The following ADGRL3 variants were observed in gnomAD, a reference collection of about 807,000 sequenced individuals.
ADGRL3 encodes calcium-independent alpha-latrotoxin receptor 3.
Under a neutral mutation model 153.5 loss-of-function variants are expected in ADGRL3, and 62 were observed. That is an observed-to-expected ratio of 0.40 (90% CI 0.33 to 0.50). The LOEUF is 0.50. ADGRL3 is among the 20% of genes least tolerant of loss of function. The pLI is 0.47. For missense variants in ADGRL3, 1,641 were observed against 1,859.4 expected (o/e 0.88, Z 2.16); for synonymous variants, 710 against 672.5 (o/e 1.06, Z -0.86).
intron 2 of ADGRL3, among the ~76,000 whole-genome samples, chr4:61,391,474 T>C (rs190990359): frequency 4.6e-4 from 70 of 152,286 alleles, no homozygotes; most frequent in Non-Finnish European, 1.2e-4. Context: ...TTCAACATGA[T>C]GTTTGGAGGG....
chr4:62,030,577 G>A (rs1193472266), intron 22 of ADGRL3, among the ~76,000 whole-genome samples: 1 of 151,554 alleles, frequency 6.6e-6, no homozygotes, highest in Non-Finnish European at 1.5e-5. Context: ...TCTTGCAAAT[G>A]ACATCTTGGA....
chr4:61,342,219 G>A (rs890475992), intron 1 of ADGRL3, among the ~76,000 whole-genome samples: 2 of 152,012 alleles, frequency 1.3e-5, no homozygotes, highest in African/African-American at 4.8e-5. Context: ...CTCCTTATGT[G>A]TATAGGCATT....
rs140499088 is a variant in ADGRL3, at chr4:61,807,301, C to A, written c.1400-6508C>A. On this transcript the variant is annotated intron_variant, in intron 8 of 26. Transcript: ENST00000683033. Reference sequence around the variant, plus strand: ...GTGTTGAGGTGTTATTTTGCTCAATCTTTGCAAAAAATAATTGCTCTAATT... The same window carrying A: ...GTGTTGAGGTGTTATTTTGCTCAATATTTGCAAAAAATAATTGCTCTAATT... 2.8e-3 allele frequency among the ~76,000 whole-genome samples: 417 copies of A among 148,214 alleles called. 3 individuals carry two copies. Among genetic ancestry groups the A allele is most frequent in the African/African-American group, 9.8e-3 (396 of 40,236 alleles).
chr4:61,240,210 T>C (rs1321303437), intron 1 of ADGRL3, among the ~76,000 whole-genome samples: 1 of 151,970 alleles, frequency 6.6e-6, no homozygotes, highest in Non-Finnish European at 1.5e-5. Flanking sequence ...TGGTGGAAAG[T>C]GGAAGGGCAA....
At chr4:62,042,378 C>A (rs1276483868) in intron 24 of ADGRL3, among the ~76,000 whole-genome samples, 2 of 151,278 alleles carry the variant, frequency 1.3e-5, no homozygotes, top group Non-Finnish European at 3.0e-5. Flanking sequence ...GTGTGGGTAG[C>A]CTACAGTTCT....
At chr4:61,883,241 A>T (rs1473443372) in intron 9 of ADGRL3, among the ~76,000 whole-genome samples, 1 of 152,058 alleles carries the variant, frequency 6.6e-6, no homozygotes, top group East Asian at 1.9e-4. Flanking sequence ...GCATGTTTTT[A>T]CTTTTATCCT....
chr4:61,981,914 T>A (rs963917616), intron 18 of ADGRL3, among the ~76,000 whole-genome samples: 2 of 152,180 alleles, frequency 1.3e-5, no homozygotes, highest in Non-Finnish European at 2.9e-5. Flanking sequence ...ATATTTTTAA[T>A]TGGGCATCAT....
rs576964331 is a variant in ADGRL3, at chr4:61,303,037, T to C, written c.-239-80087T>C. Among the ~76,000 whole-genome samples the C allele has an allele frequency of 2.6e-5, 4 of 152,270 alleles. No homozygotes were observed. In the East Asian group the frequency reaches 7.7e-4, roughly 29 times the overall value. ...GACGACAGTATACTATTAAATATAA[T>C]ATAGACATCATTGACACCTCCAAAA... On this transcript the variant is annotated intron_variant, in intron 1 of 26. Coordinates refer to ENST00000683033, the MANE Select transcript of ADGRL3 (RefSeq NM_001387552.1).
intron 21 of ADGRL3, among the ~76,000 whole-genome samples, chr4:62,003,508 T>C (rs1392471300): frequency 6.6e-6 from 1 of 152,156 alleles, no homozygotes; most frequent in African/African-American, 2.4e-5. Context: ...GGTCTTACTT[T>C]CTTCTCTGAA....
intron 1 of ADGRL3, among the ~76,000 whole-genome samples, chr4:61,209,010 C>T (rs1738604841): frequency 6.6e-6 from 1 of 152,034 alleles, no homozygotes; most frequent in Non-Finnish European, 1.5e-5. Flanking sequence ...CTGTGTAATA[C>T]TTTTAAATGA....
At chr4:61,622,656 T>G (rs1002651547) in intron 5 of ADGRL3, among the ~76,000 whole-genome samples, 1 of 152,202 alleles carries the variant, frequency 6.6e-6, no homozygotes, top group Non-Finnish European at 1.5e-5. Flanking sequence ...CATTCTGGTG[T>G]GCACTTTATG....
chr4:61,826,633 T>C (rs1424763131), intron 9 of ADGRL3, among the ~76,000 whole-genome samples: 1 of 152,158 alleles, frequency 6.6e-6, no homozygotes, highest in Admixed American at 6.5e-5. Flanking sequence ...TGAATAACTC[T>C]GAAGGGTTTT....
chr4:61,234,193 A>G (rs1308240406), intron 1 of ADGRL3, among the ~76,000 whole-genome samples: 9 of 152,092 alleles, frequency 5.9e-5, no homozygotes, highest in African/African-American at 2.2e-4. Context: ...GGGAAGAAAA[A>G]GAAGTTTAAT....
At chr4:61,924,300 C>T (rs2098784456) in intron 13 of ADGRL3, among the ~76,000 whole-genome samples, 1 of 152,116 alleles carries the variant, frequency 6.6e-6, no homozygotes, top group African/African-American at 2.4e-5. Context: ...TCCTCTTCTC[C>T]TCAAACCCTT....
chr4:61,894,755 C>G (rs1208130557), intron 10 of ADGRL3, among the ~76,000 whole-genome samples: 1 of 152,188 alleles, frequency 6.6e-6, no homozygotes, highest in African/African-American at 2.4e-5. Context: ...CAGTCTCTCA[C>G]TTGAATTATT....
intron 6 of ADGRL3, among the ~76,000 whole-genome samples, chr4:61,730,217 T>C (rs2096415843): frequency 6.6e-6 from 1 of 151,948 alleles, no homozygotes; most frequent in Non-Finnish European, 1.5e-5. Context: ...GAAATAGTGG[T>C]ATAAACTATA....
intron 1 of ADGRL3, among the ~76,000 whole-genome samples, chr4:61,306,142 G>A (rs1341204379): frequency 6.6e-6 from 1 of 151,708 alleles, no homozygotes; most frequent in African/African-American, 2.4e-5. Flanking sequence ...CTGTCACCCA[G>A]GCTGGAGTGC....
At chr4:61,723,396 G>A (rs1440444255) in intron 6 of ADGRL3, among the ~76,000 whole-genome samples, 1 of 152,132 alleles carries the variant, frequency 6.6e-6, no homozygotes, top group Non-Finnish European at 1.5e-5. Flanking sequence ...GGAGAGGAAA[G>A]TTTAATAGGC....
chr4:61,821,189 C>CAAAAAAAAA (rs34391051), intron 9 of ADGRL3, among the ~76,000 whole-genome samples: 2 of 107,840 alleles, frequency 1.9e-5, no homozygotes, highest in African/African-American at 3.3e-5. Flanking sequence ...TGCCAATTAC[C>CAAAAAAAAA]AAAAAAAAAA....
Sources: gnomAD v4.1 joint callset for allele counts (sites outside exome capture counted in the v4.1 genomes callset) on GRCh38, gnomAD v4.1.1 for gene constraint, MANE v1.5 for transcripts, NCBI Gene and HGNC (gene_info 2026-07-23, HGNC 2026-07-21) for gene names.